SORCS3: variants seen among roughly 807,000 people sequenced by gnomAD.
SORCS3 encodes the protein VPS10 domain-containing receptor SorCS3.
A neutral mutation model predicts 146.3 loss-of-function variants in SORCS3; 57 were observed. That is an observed-to-expected ratio of 0.39 (90% CI 0.31 to 0.49). SORCS3 has a LOEUF of 0.49. SORCS3 is among the 20% of genes least tolerant of loss of function. The pLI, the probability that SORCS3 is intolerant of heterozygous loss-of-function variation, is 0.92. For synonymous variants in SORCS3, 653 were observed against 618.5 expected (o/e 1.06, Z -0.83); for missense variants, 1,341 against 1,575.5 (o/e 0.85, Z 2.52).
chr10:105,056,446 A>C (rs889036064), intron 5 of SORCS3, among the ~76,000 whole-genome samples: 2 of 152,214 alleles, frequency 1.3e-5, no homozygotes, highest in African/African-American at 2.4e-5. Flanking sequence ...TAAAGCAGGG[A>C]TATAGACCAG....
At chr10:105,079,714 C>T (rs752109959) in intron 5 of SORCS3, among the ~76,000 whole-genome samples, 1 of 152,142 alleles carries the variant, frequency 6.6e-6, no homozygotes, top group Non-Finnish European at 1.5e-5. Flanking sequence ...CTGCTCCTCT[C>T]CTTCCTCCCA....
At chr10:105,166,323 T>G (rs892063796) in intron 12 of SORCS3, among the ~76,000 whole-genome samples, 3 of 152,276 alleles carry the variant, frequency 2.0e-5, no homozygotes, top group Admixed American at 6.5e-5. Flanking sequence ...CTTCTCCATC[T>G]AGGCTGCATG....
intron 1 of SORCS3, among the ~76,000 whole-genome samples, chr10:104,783,754 G>T (rs767353245): frequency 4.6e-5 from 7 of 152,144 alleles, no homozygotes; most frequent in Non-Finnish European, 1.0e-4. Flanking sequence ...AGAAAAAAAG[G>T]ATCTAGGATG....
At chr10:104,725,398 C>T (rs191198869) in intron 1 of SORCS3, among the ~76,000 whole-genome samples, 1 of 152,320 alleles carries the variant, frequency 6.6e-6, no homozygotes, top group African/African-American at 2.4e-5. Flanking sequence ...TGGGGGTTGC[C>T]TCCCAGTTAG....
intron 2 of SORCS3, among the ~76,000 whole-genome samples, chr10:104,859,834 G>C (rs1334752865): frequency 6.6e-6 from 1 of 150,386 alleles, no homozygotes; most frequent in Admixed American, 6.7e-5. Context: ...ATCATCACTG[G>C]CCATCAGAGA....
intron 5 of SORCS3, among the ~76,000 whole-genome samples, chr10:105,065,133 A>G (rs1185149903): frequency 2.6e-5 from 4 of 152,178 alleles, no homozygotes; most frequent in Non-Finnish European, 5.9e-5. Flanking sequence ...TGTGGCTGAC[A>G]TCAGTAGCCC....
chr10:104,844,000 T>C (rs2018176167), intron 2 of SORCS3, among the ~76,000 whole-genome samples: 2 of 152,320 alleles, frequency 1.3e-5, no homozygotes, highest in South Asian at 4.1e-4. Flanking sequence ...TGTGAAATGC[T>C]TCTTCATCTG....
At chr10:105,191,439 A>T (rs562449928) in intron 14 of SORCS3, among the ~76,000 whole-genome samples, 1 of 152,242 alleles carries the variant, frequency 6.6e-6, no homozygotes, top group Non-Finnish European at 1.5e-5. Flanking sequence ...TATATAATAT[A>T]AAGACTATAA....
At chr10:104,955,018 C>T (rs1186559618) in intron 3 of SORCS3, among the ~76,000 whole-genome samples, 1 of 152,096 alleles carries the variant, frequency 6.6e-6, no homozygotes, top group Non-Finnish European at 1.5e-5. Context: ...AACTAAATAA[C>T]TAAATAATTA....
chr10:104,714,208 G>T (rs1160959181), intron 1 of SORCS3, among the ~76,000 whole-genome samples: 1 of 151,868 alleles, frequency 6.6e-6, no homozygotes, highest in East Asian at 1.9e-4. Flanking sequence ...CCAGCATTAG[G>T]TTTAATTAAT....
intron 5 of SORCS3, among the ~76,000 whole-genome samples, chr10:105,089,096 C>T (rs1051476496): frequency 4.6e-5 from 7 of 152,066 alleles, no homozygotes; most frequent in African/African-American, 1.7e-4. Flanking sequence ...CAGAGGTCCA[C>T]GAGGATTGTT....
chr10:104,764,196 G>C (rs1390737010), intron 1 of SORCS3, among the ~76,000 whole-genome samples: 3 of 152,124 alleles, frequency 2.0e-5, no homozygotes, highest in Non-Finnish European at 4.4e-5. Context: ...AAAAAAACCT[G>C]ATACCTTTAC....
At chr10:105,208,249 G>A (rs369596666) in intron 16 of SORCS3, among the ~76,000 whole-genome samples, 87 of 152,008 alleles carry the variant, frequency 5.7e-4, no homozygotes, top group African/African-American at 1.9e-3. Context: ...GCTGAGGCAG[G>A]AGAATCACTT....
chr10:105,139,658 G>T (rs981662081), intron 8 of SORCS3, among the ~76,000 whole-genome samples, 172 bp downstream of exon 8: 1 of 152,086 alleles, frequency 6.6e-6, no homozygotes, highest in African/African-American at 2.4e-5. Context: ...CCTGGATTCT[G>T]TATTTCTGTC....
At chr10:105,156,737 A>T (rs2056212439) in intron 9 of SORCS3, among the ~76,000 whole-genome samples, 1 of 152,178 alleles carries the variant, frequency 6.6e-6, no homozygotes. Context: ...TTCCATTGTT[A>T]TGAAATACCC....
At position 104,926,267 on chromosome 10, in the gene SORCS3, A is replaced by G. The variant is rs79246213; in HGVS notation, c.795+10335A>G. On this transcript the variant is annotated intron_variant, in intron 3 of 26. Transcript: ENST00000369701. The stretch of plus-strand genomic sequence containing the variant: ...TAAAACCAGACTTGCTGACTGCCTG[A>G]GAAAGACTGATTGTTCTGCTCATGG... Among the ~76,000 whole-genome samples the G allele has an allele frequency of 9.8e-3, 1,491 of 152,340 alleles. 13 individuals carry two copies. The highest frequency in any genetic ancestry group is 0.034 in the African/African-American group (1,413 of 41,576).
chr10:104,910,796 T>C (rs982958296), intron 2 of SORCS3, among the ~76,000 whole-genome samples: 3 of 152,260 alleles, frequency 2.0e-5, no homozygotes, highest in Admixed American at 2.0e-4. Context: ...GGGGTTGGGG[T>C]AACTGGAGCC....
At chr10:104,839,345 A>G (rs1255610944) in intron 1 of SORCS3, among the ~76,000 whole-genome samples, 1 of 152,138 alleles carries the variant, frequency 6.6e-6, no homozygotes, top group African/African-American at 2.4e-5. Context: ...GCCACCTGAA[A>G]GGGGTGGGCT....
chr10:104,873,441 GCCC>G (rs1564703067), intron 2 of SORCS3, among the ~76,000 whole-genome samples: 13 of 152,176 alleles, frequency 8.5e-5, no homozygotes, highest in Non-Finnish European at 1.8e-4. Context: ...GCAATCAACA[GCCC>G]CATTTAGCTT....
Sources: gnomAD v4.1 joint callset for allele counts (sites outside exome capture counted in the v4.1 genomes callset) on GRCh38, gnomAD v4.1.1 for gene constraint, MANE v1.5 for transcripts, NCBI Gene and HGNC (gene_info 2026-07-23, HGNC 2026-07-21) for gene names.